Variants in CROCC2 observed in about 807,000 individuals in gnomAD.
The protein encoded by CROCC2 is ciliary rootlet coiled-coil protein 2.
CROCC2 carries 163 observed loss-of-function variants against 177.6 expected under a neutral mutation model. The ratio of observed to expected loss-of-function variants is 0.92; its 90% CI spans 0.81 to 1.05. The LOEUF (loss-of-function observed/expected upper bound fraction) is 1.05, where lower values mean the gene tolerates loss of function less well. CROCC2 is among the 50% of genes least tolerant of loss of function. The pLI is 0.00. For synonymous variants in CROCC2, 904 were observed against 787.3 expected, an observed-to-expected ratio of 1.15 and a Z score of -2.48; for missense variants, 1,929 against 1,797.8, an observed-to-expected ratio of 1.07 and a Z score of -1.32.
chr2:240,942,921 T>A (rs1261042633), intron 14 of CROCC2, among the ~76,000 whole-genome samples: 1 of 152,218 alleles, frequency 6.6e-6, no homozygotes, highest in Non-Finnish European at 1.5e-5. Flanking sequence ...CTTCTCAGAC[T>A]GTCAGCTGCT....
Position 240,946,041 on chromosome 2 carries a change from C to A in CROCC2, c.2170-19C>A. On this transcript the variant is annotated intron_variant, in intron 14 of 31. Transcript: ENST00000690015. ...TTACTCTCTTTCTCTGCCGACTGTCCCCTCCCCACCTCCCCTAGGTCACAT... is the reference window on the plus strand; with the variant it reads ...TTACTCTCTTTCTCTGCCGACTGTCACCTCCCCACCTCCCCTAGGTCACAT... The A allele has an allele frequency of 1.4e-6, 2 of 1,479,110 alleles. No homozygotes were observed. The highest frequency in any genetic ancestry group is 1.8e-6 in the Non-Finnish European group (2 of 1,100,130). The allele number at this position is 1,479,110 out of a possible 1,614,324, so 91.6% of individuals were successfully genotyped here. A position where few individuals can be genotyped will look rare whatever the true frequency, so the allele number is the denominator to read the frequency against.
At chr2:240,984,087 G>T (rs956736301) in intron 28 of CROCC2, among the ~76,000 whole-genome samples, 12 of 152,188 alleles carry the variant, frequency 7.9e-5, no homozygotes, top group Admixed American at 7.8e-4. Flanking sequence ...GGGGTGAAGT[G>T]ACGGTCATCA....
At chr2:240,983,779 C>T in intron 28 of CROCC2, 1 of 407,220 alleles carries the variant, frequency 2.5e-6, no homozygotes, top group Non-Finnish European at 4.2e-6. Context: ...CTTGGCTCTC[C>T]CTGGGGAGGC....
At chr2:240,914,408 C>T (rs922564179) in intron 1 of CROCC2, among the ~76,000 whole-genome samples, 3 of 152,244 alleles carry the variant, frequency 2.0e-5, no homozygotes, top group Admixed American at 6.5e-5. Context: ...TGCTGGCGCG[C>T]GCCTTCACTC....
chr2:240,922,695 C>T, intron 4 of CROCC2, 50 bp downstream of exon 4: 1 of 525,330 alleles, frequency 1.9e-6, no homozygotes, highest in African/African-American at 2.0e-5. Flanking sequence ...CAGCCATCCC[C>T]CCGAGAGGCA....
In CROCC2 at chr2:240,950,458, T is replaced by C. The variant is rs1442485529; in HGVS notation, c.2777T>C (p.Leu926Pro). ...REALKGEIQSLKQERDESLLQ... is the reference protein window; with the variant it reads ...REALKGEIQSPKQERDESLLQ... ...GCTCTGAAGGGGGAAATTCAGAGCCTGAAGCAGGAGCGGGACGAGAGCCTT... is the reference window on the plus strand; with the variant it reads ...GCTCTGAAGGGGGAAATTCAGAGCCCGAAGCAGGAGCGGGACGAGAGCCTT... Residue 926 changes from leucine to proline, a missense_variant, in exon 18 of 32, where the codon CTG becomes CCG. Transcript: ENST00000690015. 15 of 1,550,200 alleles carry C rather than the reference T, an allele frequency of 9.7e-6. No homozygotes were observed. In the South Asian group the frequency reaches 1.4e-4, roughly 15 times the overall value.
intron 28 of CROCC2, among the ~76,000 whole-genome samples, chr2:240,986,738 C>G (rs910531548): frequency 2.0e-5 from 3 of 152,192 alleles, no homozygotes; most frequent in African/African-American, 7.2e-5. Context: ...CCTGCAGGAA[C>G]AGGGAAGGTG....
intron 20 of CROCC2, among the ~76,000 whole-genome samples, chr2:240,962,180 G>C (rs2059646808): frequency 6.6e-6 from 1 of 152,112 alleles, no homozygotes; most frequent in Non-Finnish European, 1.5e-5. Flanking sequence ...ATTTTTAAAA[G>C]AGGCTGTTTA....
Position 240,933,823 on chromosome 2 carries a change from G to A in CROCC2, c.1617G>A (p.Arg539=), listed in dbSNP as rs1417223191. Residue 539 remains arginine (R), a synonymous_variant, in exon 11 of 32, where the codon AGG becomes AGA. Coordinates refer to ENST00000690015, the MANE Select transcript of CROCC2 (RefSeq NM_001351305.2). ...GGAGGGAGGAGCTGGCTCTGCGGAG[G>A]GAGCGGAGCTGCAGGGCACTGGAGA... ...AERREELALR[R]ERSCRALETS... is the part of the protein sequence containing the mutation. The A allele has an allele frequency of 2.6e-6, 4 of 1,548,114 alleles. No homozygotes were observed. Among genetic ancestry groups the A allele is most frequent in the South Asian group, 2.4e-5 (2 of 83,968 alleles).
Position 240,919,075 on chromosome 2 carries a change from G to C in CROCC2, c.229+199G>C, listed in dbSNP as rs13034652. Among the ~76,000 whole-genome samples, 146 of 21,276 alleles carry C rather than the reference G, an allele frequency of 6.9e-3. 1 individual carries two copies. In the Middle Eastern group the frequency reaches 0.17, roughly 24 times the overall value. 14.0% of individuals were successfully genotyped at this position (21,276 alleles called of 152,430 possible). On this transcript the variant is annotated intron_variant, in intron 2 of 31. Coordinates refer to ENST00000690015, the MANE Select transcript of CROCC2 (RefSeq NM_001351305.2). ...GGCGTGGGGGACGGTCCTGGGCCCG[G>C]GGCTGGGCAAGGTGATGGCGTGGGG...
rs116656887 is a variant in CROCC2, at chr2:240,959,387, G to C, written c.3030G>C (p.Thr1010=). 8.8e-3 allele frequency: 13,654 copies of C among 1,550,404 alleles called. 817 individuals carry two copies. In the African/African-American group the frequency reaches 0.15, roughly 17 times the overall value. The change falls in exon 20 of 32, where the codon ACG becomes ACC. Residue 1010 remains threonine, a synonymous_variant. Transcript: ENST00000690015. ...DAITAHQRET[T]ALRESLQDLA... The stretch of plus-strand genomic sequence containing the variant: ...TCACAGCCCATCAGAGGGAGACCAC[G>C]GCCCTACGCGAGAGCCTCCAGGACC...
intron 1 of CROCC2, 62 bp downstream of exon 1, chr2:240,906,653 G>A (rs2059255758): frequency 2.5e-6 from 1 of 399,010 alleles, no homozygotes. Flanking sequence ...CACTTTGGAA[G>A]GGACGCGGCA....
chr2:240,929,814 G>T, intron 5 of CROCC2: 4 of 495,846 alleles, frequency 8.1e-6, no homozygotes, highest in South Asian at 6.2e-5. Flanking sequence ...TGGTTCTGGG[G>T]TGTTCCAAGC....
intron 15 of CROCC2, among the ~76,000 whole-genome samples, chr2:240,948,645 G>A (rs764401484): frequency 2.0e-5 from 3 of 152,174 alleles, no homozygotes; most frequent in Non-Finnish European, 4.4e-5. Context: ...GCTGTGTGTT[G>A]GTGTGTGCTC....
At chr2:240,980,974 G>C (rs1205729981) in intron 27 of CROCC2, among the ~76,000 whole-genome samples, 1 of 91,202 alleles carries the variant, frequency 1.1e-5, no homozygotes, top group African/African-American at 5.8e-5. Context: ...AGGCTCTGGG[G>C]TAGGAGCCTC....
chr2:240,988,639 G>T, intron 28 of CROCC2, 100 bp from the exon 29 acceptor site: 1 of 1,209,890 alleles, frequency 8.3e-7, no homozygotes, highest in South Asian at 3.2e-5. Flanking sequence ...GGGGAATTCA[G>T]AGTCCTTCCC....
chr2:240,967,407 T>C lies in CROCC2; in HGVS notation c.4209T>C (p.Cys1403=). The C allele has an allele frequency of 1.0e-6, 1 of 985,222 alleles. No individual in the cohort carries two copies. The highest frequency in any genetic ancestry group is 1.6e-6 in the Non-Finnish European group (1 of 630,650). The allele number at this position is 985,222 out of a possible 1,614,324, so 61.0% of individuals were successfully genotyped here. The part of the protein sequence containing the change: ...SSRLSEAECR[C]ARAQSRVGQL... ...GGCTGAGCGAGGCAGAGTGCAGGTGTGCCCGGGCCCAGAGCCGCGTGGGGC... is the reference window on the plus strand; with the variant it reads ...GGCTGAGCGAGGCAGAGTGCAGGTGCGCCCGGGCCCAGAGCCGCGTGGGGC... The change falls in exon 26 of 32, where the codon TGT becomes TGC. Residue 1403 remains cysteine (C), a synonymous_variant. Transcript: ENST00000690015.
intron 21 of CROCC2, chr2:240,964,019 G>A: frequency 1.7e-6 from 1 of 588,480 alleles, no homozygotes; most frequent in Non-Finnish European, 3.0e-6. Context: ...TTCCCATCCA[G>A]CAGGCAAGAT....
At chr2:240,984,043 C>T (rs1559192019) in intron 28 of CROCC2, among the ~76,000 whole-genome samples, 1 of 152,166 alleles carries the variant, frequency 6.6e-6, no homozygotes, top group Non-Finnish European at 1.5e-5. Context: ...CCTGGGCAGA[C>T]AGGGTGAGAG....
Sources: allele counts gnomAD v4.1 joint callset (sites outside exome capture counted in the v4.1 genomes callset), GRCh38; gene constraint gnomAD v4.1.1; transcripts MANE v1.5; gene names NCBI Gene and HGNC (gene_info 2026-07-23, HGNC 2026-07-21).